SLC4A5: variants seen among roughly 807,000 people sequenced by gnomAD.
SLC4A5 encodes the protein electrogenic sodium bicarbonate cotransporter 4.
Under a neutral mutation model 120.4 loss-of-function variants are expected in SLC4A5, and 96 were observed. That is an observed-to-expected ratio of 0.80 (90% CI 0.68 to 0.94). The LOEUF (loss-of-function observed/expected upper bound fraction) is 0.94. Among genes scored for constraint, SLC4A5 ranks in the 40% least tolerant of loss-of-function variants. The pLI is 0.00. For missense variants in SLC4A5, 1,259 were observed against 1,459.5 expected (o/e 0.86, Z 2.24); for synonymous variants, 550 against 571.1 (o/e 0.96, Z 0.53).
chr2:74,324,204 C>G lies in SLC4A5; in HGVS notation c.-3+3916G>C, dbSNP rs918231891. Among the ~76,000 whole-genome samples, 4 of 152,158 alleles carry G rather than the reference C, an allele frequency of 2.6e-5. No individual in the cohort carries two copies. The East Asian group carries it at 7.7e-4, about 29-fold the overall frequency. On this transcript the variant is annotated intron_variant, in intron 5 of 30. Coordinates refer to ENST00000394019, the Ensembl canonical transcript of SLC4A5. ...CTTAGCAGAATTACACAACAAAGAA[C>G]CCTTTAAGGCAGTGGTTCTCAAACT...
chr2:74,276,098 A>C (rs1264299781), intron 8 of SLC4A5, among the ~76,000 whole-genome samples: 1 of 152,092 alleles, frequency 6.6e-6, no homozygotes, highest in East Asian at 1.9e-4. Context: ...TATATATTTA[A>C]AGCATTGTAA....
chr2:74,221,159 A>C lies in SLC4A5; in HGVS notation c.*33+275T>G, dbSNP rs553980980. On this transcript the variant is annotated intron_variant, in intron 30 of 30. Coordinates refer to ENST00000394019, the Ensembl canonical transcript of SLC4A5. ...TGCTGGGCCACAACGTTTACTTTCA[A>C]TTTTTGTTCTACCTAATCTTTTATA... Among the ~76,000 whole-genome samples the C allele has an allele frequency of 3.9e-5, 6 of 152,196 alleles. No individual in the cohort carries two copies. In the East Asian group the frequency reaches 9.7e-4, roughly 24 times the overall value.
intron 9 of SLC4A5, 40 bp downstream of exon 9, chr2:74,265,064 G>A: frequency 1.3e-6 from 2 of 1,583,864 alleles, no homozygotes; most frequent in African/African-American, 1.3e-5. Context: ...CTGGTTTGCA[G>A]GGACCACAGG....
chr2:74,257,965 G>A (rs1482967192), intron 12 of SLC4A5, among the ~76,000 whole-genome samples: 1 of 152,192 alleles, frequency 6.6e-6, no homozygotes, highest in Non-Finnish European at 1.5e-5. Flanking sequence ...TTGGTAAGAA[G>A]GCCAGGGTTG....
chr2:74,269,524 C>A (rs111555971), intron 8 of SLC4A5, among the ~76,000 whole-genome samples: 5 of 152,098 alleles, frequency 3.3e-5, no homozygotes, highest in Admixed American at 6.5e-5. Flanking sequence ...TGAGCCACCG[C>A]GCCCGGCCAG....
At chr2:74,225,036 A>G (rs1361907921) in intron 27 of SLC4A5, 41 bp from the exon 28 acceptor site, 3 of 1,589,700 alleles carry the variant, frequency 1.9e-6, no homozygotes, top group Admixed American at 3.7e-5. Flanking sequence ...GAATTTGGAG[A>G]AAACTGTGGT....
chr2:74,226,889 T>G (rs533565647), intron 27 of SLC4A5, 68 bp downstream of exon 27: 1 of 1,539,410 alleles, frequency 6.5e-7, no homozygotes, highest in South Asian at 1.2e-5. Flanking sequence ...GAGGGGAGGT[T>G]GCGCTGCACC....
chr2:74,319,102 A>G (rs1673033918), intron 5 of SLC4A5, among the ~76,000 whole-genome samples: 1 of 152,202 alleles, frequency 6.6e-6, no homozygotes, highest in Non-Finnish European at 1.5e-5. Context: ...TCAGTGAAAT[A>G]ACTCAGAAAC....
chr2:74,232,414 C>T (rs1003197990), intron 24 of SLC4A5, 55 bp downstream of exon 24: 4 of 1,571,356 alleles, frequency 2.5e-6, no homozygotes, highest in Admixed American at 2.1e-5. Context: ...CCAGCTTCTC[C>T]TCCCCGAGTG....
At chr2:74,307,088 C>A (rs1672666860) in intron 6 of SLC4A5, 10 of 562,784 alleles carry the variant, frequency 1.8e-5, no homozygotes, top group South Asian at 1.7e-4. Context: ...TCATGGAGTC[C>A]AGGTCAATCT....
Position 74,259,654 on chromosome 2 carries a change from A to C in SLC4A5, c.812-11T>G. On this transcript the variant is annotated splice_polypyrimidine_tract_variant and intron_variant, in intron 11 of 30. Coordinates refer to ENST00000394019, the Ensembl canonical transcript of SLC4A5. ...TGCTCTGGGCATGACCTAGGAGAAA[A>C]GGAAAAGAAGATCCATCAGGGGAAG... The C allele has an allele frequency of 6.2e-7, 1 of 1,614,108 alleles. No homozygotes were observed. Among genetic ancestry groups the C allele is most frequent in the Non-Finnish European group, 8.5e-7 (1 of 1,179,978 alleles).
chr2:74,330,908 TGGAGGTGTGTGGTTTAGGTGTA>T (rs1341973803), intron 4 of SLC4A5, among the ~76,000 whole-genome samples: 30 of 92,660 alleles, frequency 3.2e-4, no homozygotes, highest in East Asian at 1.6e-3. Context: ...GAGGTCTAGA[TGGAGGTGTGTGGTTTAGGTGTA>T]GGTGGTGAGT....
At chr2:74,258,399 G>A (rs1203115951) in intron 12 of SLC4A5, among the ~76,000 whole-genome samples, 1 of 152,236 alleles carries the variant, frequency 6.6e-6, no homozygotes, top group Non-Finnish European at 1.5e-5. Flanking sequence ...TGGTGAAAGG[G>A]ACAGCTAGTG....
intron 2 of SLC4A5, among the ~76,000 whole-genome samples, chr2:74,340,938 AG>A (rs1193638309): frequency 6.6e-6 from 1 of 152,204 alleles, no homozygotes; most frequent in Non-Finnish European, 1.5e-5. Flanking sequence ...ACTGAGACCA[AG>A]GGTGGCTGGA....
intron 19 of SLC4A5, among the ~76,000 whole-genome samples, chr2:74,246,615 C>G (rs561336914): frequency 6.6e-6 from 1 of 152,346 alleles, no homozygotes; most frequent in South Asian, 2.1e-4. Flanking sequence ...TCACCTTACA[C>G]GGTATGTGGC....
intron 7 of SLC4A5, among the ~76,000 whole-genome samples, chr2:74,296,374 C>G (rs577881960): frequency 9.2e-5 from 14 of 152,086 alleles, no homozygotes; most frequent in African/African-American, 3.4e-4. Context: ...TCTCTTTTCT[C>G]ACTTCTCCCC....
intron 8 of SLC4A5, among the ~76,000 whole-genome samples, chr2:74,271,171 C>A (rs2104084821): frequency 6.6e-6 from 1 of 152,304 alleles, no homozygotes; most frequent in Non-Finnish European, 1.5e-5. Flanking sequence ...CAGATCACCT[C>A]TGAGATCATG....
At chr2:74,276,020 T>C (rs896695585) in intron 8 of SLC4A5, among the ~76,000 whole-genome samples, 1 of 152,200 alleles carries the variant, frequency 6.6e-6, no homozygotes, top group Non-Finnish European at 1.5e-5. Context: ...GGTTGAAATA[T>C]CATGTCTCAT....
chr2:74,307,272 A>G (rs1672672817), intron 6 of SLC4A5: 5 of 522,320 alleles, frequency 9.6e-6, no homozygotes, highest in Non-Finnish European at 1.4e-5. Flanking sequence ...GATGTCTGCC[A>G]TGATCTTATC....
Sources: gnomAD v4.1 joint callset for allele counts (sites outside exome capture counted in the v4.1 genomes callset) on GRCh38, gnomAD v4.1.1 for gene constraint, MANE v1.5 for transcripts, NCBI Gene and HGNC (gene_info 2026-07-23, HGNC 2026-07-21) for gene names.